The following SNRNP40 variants were observed in gnomAD, a reference collection of about 807,000 sequenced individuals.
The protein encoded by SNRNP40 is small nuclear ribonucleoprotein U5 subunit 40, also known as U5 small nuclear ribonucleoprotein 40 kDa protein.
Under a neutral mutation model 45.8 loss-of-function variants are expected in SNRNP40, and 21 were observed. The observed-to-expected ratio is 0.46, with a 90% CI of 0.32 to 0.66. SNRNP40 has a LOEUF of 0.66. Among genes scored for constraint, SNRNP40 ranks in the 30% least tolerant of loss-of-function variants. The pLI is 0.03. For missense variants in SNRNP40, 344 were observed against 439.1 expected, an observed-to-expected ratio of 0.78 and a Z score of 1.94; for synonymous variants, 142 against 163.8, an observed-to-expected ratio of 0.87 and a Z score of 1.01.
At chr1:31,293,158 T>TAA in intron 2 of SNRNP40, 61 bp downstream of exon 2, 4 of 1,201,662 alleles carry the variant, frequency 3.3e-6, no homozygotes, top group African/African-American at 1.5e-5. Flanking sequence ...ACCCAAGATT[T>TAA]AAAAAAAAAA....
chr1:31,263,717 A>T, intron 8 of SNRNP40: 2 of 384,080 alleles, frequency 5.2e-6, no homozygotes, highest in Non-Finnish European at 9.9e-6. Context: ...TTCTTATTCA[A>T]GCTTGCCTTG....
In SNRNP40 at chr1:31,281,450, G is replaced by A. The variant is rs781004017; in HGVS notation, c.578C>T (p.Thr193Met). 75 of 1,609,634 alleles carry A rather than the reference G, an allele frequency of 4.7e-5. No individual in the cohort carries two copies. Among genetic ancestry groups the A allele is most frequent in the Middle Eastern group, 1.6e-4 (1 of 6,068 alleles). ...KKAAIQTFQNTYQVLAVTFND... is the reference protein window; with the variant it reads ...KKAAIQTFQNMYQVLAVTFND... The stretch of plus-strand genomic sequence containing the variant: ...GAAGGTCACAGCTAACACCTGGTAC[G>A]TGTTCTGAAATGTCTGGATGGCTGC... Residue 193 changes from threonine to methionine, a missense_variant, in exon 5 of 10, where the codon ACG (threonine) becomes ATG (methionine). Thr to Met is a moderately conservative substitution (Grantham distance 81). Transcript: ENST00000263694.
At chr1:31,293,131 G>A in intron 2 of SNRNP40, 88 bp downstream of exon 2, 2 of 1,427,786 alleles carry the variant, frequency 1.4e-6, no homozygotes, top group South Asian at 1.2e-5. Context: ...CCAACATAGA[G>A]TGATACCTTC....
At chr1:31,266,052 C>A (rs1454281584) in intron 8 of SNRNP40, among the ~76,000 whole-genome samples, 1 of 152,140 alleles carries the variant, frequency 6.6e-6, no homozygotes, top group Non-Finnish European at 1.5e-5. Context: ...CAATGTGACA[C>A]TTTCACCTGG....
intron 4 of SNRNP40, among the ~76,000 whole-genome samples, chr1:31,288,152 G>C (rs1359677896): frequency 6.7e-6 from 1 of 148,628 alleles, no homozygotes; most frequent in African/African-American, 2.5e-5. Flanking sequence ...GATAGAGCAA[G>C]ACCCTGTCTC....
intron 5 of SNRNP40, among the ~76,000 whole-genome samples, chr1:31,272,364 G>T (rs1276891474): frequency 1.3e-5 from 2 of 152,088 alleles, no homozygotes; most frequent in Non-Finnish European, 2.9e-5. Flanking sequence ...TATAGGAAAC[G>T]TAAGATACAG....
At chr1:31,288,921 CG>C (rs1343060123) in intron 4 of SNRNP40, among the ~76,000 whole-genome samples, 19 of 152,188 alleles carry the variant, frequency 1.2e-4, no homozygotes, top group Admixed American at 2.0e-4. Flanking sequence ...TTAGTAGAGA[CG>C]GGGTTTCACC....
intron 9 of SNRNP40, chr1:31,261,186 CAA>C (rs35456520): frequency 0.049 from 12,858 of 261,902 alleles, no homozygotes; most frequent in Middle Eastern, 0.078. Flanking sequence ...ACTAAAAATA[CAA>C]AAAAAAAAAA....
At chr1:31,279,344 C>T (rs1313614031) in intron 5 of SNRNP40, among the ~76,000 whole-genome samples, 2 of 152,174 alleles carry the variant, frequency 1.3e-5, no homozygotes, top group Admixed American at 1.3e-4. Flanking sequence ...AATAGCAAAG[C>T]TTAAATGAAT....
rs1189195536 is a variant in SNRNP40, at chr1:31,269,614, G to GT, written c.776-375dup. 8.5e-5 allele frequency: 32 copies of GT among 378,614 alleles called. No individual in the cohort carries two copies. The South Asian group carries it at 1.8e-3, about 22-fold the overall frequency. 23.5% of individuals were successfully genotyped at this position (378,614 alleles called of 1,614,324 possible). ...GACAAACTAAATACCAGGAACTACT[G>GT]TGACAATGAACTTATAAAAGCCAAA... On this transcript the variant is annotated intron_variant, in intron 6 of 9. Transcript: ENST00000263694.
At chr1:31,289,765 C>T (rs1646089058) in intron 3 of SNRNP40, among the ~76,000 whole-genome samples, 1 of 152,220 alleles carries the variant, frequency 6.6e-6, no homozygotes, top group Admixed American at 6.5e-5. Context: ...TTTAATAACT[C>T]CCTGGTGCTG....
At chr1:31,294,842 T>C (rs1179523834) in intron 1 of SNRNP40, among the ~76,000 whole-genome samples, 1 of 150,720 alleles carries the variant, frequency 6.6e-6, no homozygotes, top group Non-Finnish European at 1.5e-5. Context: ...CTCAGGAGGC[T>C]GAGGCAGGAG....
chr1:31,270,550 C>T (rs965208363), intron 6 of SNRNP40, among the ~76,000 whole-genome samples: 1 of 152,140 alleles, frequency 6.6e-6, no homozygotes, highest in Admixed American at 6.5e-5. Context: ...TCAGTGATGT[C>T]ATTTTATTTG....
intron 4 of SNRNP40, among the ~76,000 whole-genome samples, chr1:31,286,006 G>C (rs1054915005): frequency 6.6e-6 from 1 of 151,116 alleles, no homozygotes; most frequent in Admixed American, 6.6e-5. Flanking sequence ...ACAAGTACAA[G>C]GCTTATCTTG....
chr1:31,267,531 T>C (rs1328598344), intron 8 of SNRNP40, among the ~76,000 whole-genome samples: 13 of 152,134 alleles, frequency 8.5e-5, no homozygotes. Flanking sequence ...TGCATAGCTA[T>C]ATCATTGTTT....
chr1:31,276,089 C>CT (rs1425399241), intron 5 of SNRNP40, among the ~76,000 whole-genome samples: 6 of 152,158 alleles, frequency 3.9e-5, no homozygotes, highest in South Asian at 2.1e-4. Flanking sequence ...ATAATGGCAG[C>CT]TGACATATAT....
intron 3 of SNRNP40, among the ~76,000 whole-genome samples, chr1:31,290,403 G>A (rs1646095773): frequency 6.6e-6 from 1 of 152,056 alleles, no homozygotes; most frequent in South Asian, 2.1e-4. Flanking sequence ...AGATTTTAGA[G>A]GTCAGAAATG....
chr1:31,270,754 G>T (rs1645932506), intron 6 of SNRNP40, among the ~76,000 whole-genome samples: 1 of 152,088 alleles, frequency 6.6e-6, no homozygotes, highest in Non-Finnish European at 1.5e-5. Context: ...TTTAGTTCCT[G>T]ACAAGCCTAT....
At position 31,271,423 on chromosome 1, in the gene SNRNP40, C is replaced by G. The variant is rs1430039183; in HGVS notation, c.731G>C (p.Ser244Thr). 6.2e-7 allele frequency: 1 copy of G among 1,614,056 alleles called. No individual in the cohort carries two copies. The highest frequency in any genetic ancestry group is 1.1e-5 in the South Asian group (1 of 91,076). The change falls in exon 6 of 10, where the codon AGT (serine) becomes ACT (threonine). Residue 244 changes from serine to threonine, a missense_variant. Transcript: ENST00000263694. ...GGACAAAAGATAAGAGCCTTCAGAA[C>G]TTAAACTCAGGCCAGTCACTGAATC... The part of the protein sequence containing the change: ...HADSVTGLSL[S>T]SEGSYLLSNA...
Sources: allele counts gnomAD v4.1 joint callset (sites outside exome capture counted in the v4.1 genomes callset), GRCh38; gene constraint gnomAD v4.1.1; transcripts MANE v1.5; gene names NCBI Gene and HGNC (gene_info 2026-07-23, HGNC 2026-07-21).